The following ARHGAP40 variants were observed in gnomAD, a reference collection of about 807,000 sequenced individuals.
The protein encoded by ARHGAP40 is Rho GTPase activating protein 40, also known as rho GTPase-activating protein 40.
Under a neutral mutation model 73.5 loss-of-function variants are expected in ARHGAP40, and 43 were observed. The observed-to-expected ratio is 0.58, with a 90% CI of 0.46 to 0.75. ARHGAP40 has a LOEUF of 0.75. Among genes scored for constraint, ARHGAP40 ranks in the 30% least tolerant of loss-of-function variants. The pLI is 0.00. For missense variants in ARHGAP40, 734 were observed against 861.8 expected (o/e 0.85, Z 1.86); for synonymous variants, 300 against 352.8 (o/e 0.85, Z 1.68).
chr20:38,615,128 C>T, intron 1 of ARHGAP40: 1 of 971,682 alleles, frequency 1.0e-6, no homozygotes, highest in South Asian at 1.3e-5. Context: ...TGACCAGGGT[C>T]CGGATTTCGT....
rs113742624 is a variant in ARHGAP40, at chr20:38,617,675, G to A, written c.138-5684G>A. Among the ~76,000 whole-genome samples the A allele has an allele frequency of 3.5e-3, 525 of 151,682 alleles. 5 individuals are homozygous for A. The highest frequency in any genetic ancestry group is 0.012 in the African/African-American group (497 of 40,976). Reference sequence around the variant, plus strand: ...GCTCCGGCCCTCTGACTCACTGCAGGAATATATTTCTTCATGCTCTGTGCT... The same window carrying A: ...GCTCCGGCCCTCTGACTCACTGCAGAAATATATTTCTTCATGCTCTGTGCT... On this transcript the variant is annotated intron_variant, in intron 1 of 14. Coordinates refer to ENST00000373345, the Ensembl canonical transcript of ARHGAP40.
intron 11 of ARHGAP40, among the ~76,000 whole-genome samples, chr20:38,644,560 C>A (rs1332309875): frequency 6.6e-6 from 1 of 151,720 alleles, no homozygotes; most frequent in Non-Finnish European, 1.5e-5. Context: ...TCCACCCACT[C>A]ACCCACCTAC....
intron 11 of ARHGAP40, among the ~76,000 whole-genome samples, chr20:38,645,521 T>A (rs1277926264): frequency 6.6e-6 from 1 of 152,154 alleles, no homozygotes; most frequent in African/African-American, 2.4e-5. Context: ...AAAGGGGAAT[T>A]CAGAATCGAC....
chr20:38,644,080 G>C (rs1261559330), intron 11 of ARHGAP40, among the ~76,000 whole-genome samples, 170 bp downstream of exon 11: 2 of 152,134 alleles, frequency 1.3e-5, no homozygotes, highest in East Asian at 3.8e-4. Context: ...TAGTAACCAA[G>C]AAGAAGTGTC....
intron 1 of ARHGAP40, among the ~76,000 whole-genome samples, chr20:38,608,368 C>T (rs1023289898): frequency 6.6e-6 from 1 of 152,176 alleles, no homozygotes; most frequent in Admixed American, 6.6e-5. Context: ...TCAGCCCACT[C>T]CCCCTTTTGT....
chr20:38,639,189 CTGG>C (rs1274057381), intron 8 of ARHGAP40, 35 bp from the exon 9 acceptor site: 1 of 1,301,876 alleles, frequency 7.7e-7, no homozygotes. Flanking sequence ...TACCAGAGCC[CTGG>C]GCCAACTGTG....
At chr20:38,638,995 C>T (rs1355757595) in intron 8 of ARHGAP40, among the ~76,000 whole-genome samples, 157 bp downstream of exon 8, 1 of 152,152 alleles carries the variant, frequency 6.6e-6, no homozygotes, top group African/African-American at 2.4e-5. Flanking sequence ...GCATGATGAG[C>T]ATGGTGGCAG....
intron 3 of ARHGAP40, among the ~76,000 whole-genome samples, chr20:38,627,608 TGTGTGTGTTG>T (rs2088909467): frequency 8.4e-6 from 1 of 119,422 alleles, no homozygotes; most frequent in Admixed American, 8.1e-5. Context: ...TGCGTTGGTG[TGTGTGTGTTG>T]GTGTGTGTGT....
intron 1 of ARHGAP40, among the ~76,000 whole-genome samples, chr20:38,613,053 C>T (rs1172429000): frequency 6.6e-6 from 1 of 152,212 alleles, no homozygotes; most frequent in Admixed American, 6.5e-5. Context: ...CCAGGATTAT[C>T]ATCTCTACTG....
intron 5 of ARHGAP40, among the ~76,000 whole-genome samples, chr20:38,630,144 T>TC (rs2088929424): frequency 7.4e-6 from 1 of 135,640 alleles, no homozygotes; most frequent in South Asian, 2.6e-4. Context: ...TTCTCCTCCC[T>TC]CCTTCCCTCC....
At position 38,646,862 on chromosome 20, in the gene ARHGAP40, CG is replaced by C. The variant is rs2089056794; in HGVS notation, c.1711-94del. On this transcript the variant is annotated intron_variant, in intron 12 of 14. Coordinates refer to ENST00000373345, the Ensembl canonical transcript of ARHGAP40. The surrounding 1 kb of genome is among the most constrained non-coding windows in gnomAD (Gnocchi z 4.5). ...TTGTGATTTTCAGCGTGGGCATTTG[CG>C]TAAGTGCCATGTATGCGTGTTTATG... 1 of 1,144,796 alleles carries C rather than the reference CG, an allele frequency of 8.7e-7. No individual in the cohort carries two copies. Among genetic ancestry groups the C allele is most frequent in the African/African-American group, 1.6e-5 (1 of 61,902 alleles). The allele number at this position is 1,144,796 out of a possible 1,614,324, so 70.9% of individuals were successfully genotyped here. A position where few individuals can be genotyped will look rare whatever the true frequency, so the allele number is the denominator to read the frequency against.
intron 10 of ARHGAP40, 95 bp downstream of exon 10, chr20:38,641,903 A>G (rs2089020803): frequency 9.3e-6 from 9 of 962,662 alleles, no homozygotes; most frequent in South Asian, 1.7e-5. Flanking sequence ...CATTCATTCA[A>G]CAACTCTGCC....
At chr20:38,641,148 G>A (rs576269631) in intron 9 of ARHGAP40, among the ~76,000 whole-genome samples, 3 of 152,022 alleles carry the variant, frequency 2.0e-5, no homozygotes, top group African/African-American at 4.8e-5. Flanking sequence ...CAGGCCTGGC[G>A]CCCAGGGTGC....
rs754901517 is a variant in ARHGAP40, at chr20:38,634,692, G to A, written c.856G>A (p.Val286Ile). 7 of 1,305,388 alleles carry A rather than the reference G, an allele frequency of 5.4e-6. No homozygotes were observed. The highest frequency in any genetic ancestry group is 2.1e-4 in the Middle Eastern group (1 of 4,698). 80.9% of individuals were successfully genotyped at this position (1,305,388 alleles called of 1,614,324 possible). The change falls in exon 6 of 15, where the codon GTA (valine) becomes ATA (isoleucine). Residue 286 changes from valine (V) to isoleucine (I), a missense_variant. Coordinates refer to ENST00000373345, the Ensembl canonical transcript of ARHGAP40. Reference sequence around the variant, plus strand: ...CTTGTCCCTGCAGGATATGAGGAAGGTACCTTCTCTGGCCCTCATAGAGCT... The same window carrying A: ...CTTGTCCCTGCAGGATATGAGGAAGATACCTTCTCTGGCCCTCATAGAGCT...
chr20:38,649,828 C>T (rs1000726657), exon 15 of ARHGAP40: 2 of 1,305,190 alleles, frequency 1.5e-6, no homozygotes, highest in African/African-American at 3.0e-5. Flanking sequence ...TGAGTGGGTC[C>T]TTAAACAGAA....
intron 10 of ARHGAP40, among the ~76,000 whole-genome samples, chr20:38,643,387 C>A (rs2089031164): frequency 6.6e-6 from 1 of 152,186 alleles, no homozygotes; most frequent in Admixed American, 6.5e-5. Context: ...TCCTGGGCCT[C>A]ACCAGGAAAT....
intron 2 of ARHGAP40, among the ~76,000 whole-genome samples, chr20:38,625,027 T>C (rs983705193): frequency 2.0e-5 from 3 of 152,230 alleles, no homozygotes; most frequent in Admixed American, 6.5e-5. Flanking sequence ...ATGAAAGGGC[T>C]CCACATGGAA....
At chr20:38,626,831 T>A (rs2088900930) in intron 2 of ARHGAP40, among the ~76,000 whole-genome samples, 164 bp from the exon 3 acceptor site, 1 of 151,886 alleles carries the variant, frequency 6.6e-6, no homozygotes, top group South Asian at 2.1e-4. Flanking sequence ...GCTCATTAGA[T>A]CTTCTCCCCC....
intron 11 of ARHGAP40, among the ~76,000 whole-genome samples, chr20:38,645,203 C>T (rs1291135829): frequency 2.0e-5 from 3 of 151,710 alleles, no homozygotes; most frequent in South Asian, 2.1e-4. Context: ...TTCTTCAAGA[C>T]CTCCTAGTTC....
Sources: allele counts gnomAD v4.1 joint callset (sites outside exome capture counted in the v4.1 genomes callset), GRCh38; gene constraint gnomAD v4.1.1; non-coding constraint Gnocchi (gnomAD v3.1); transcripts MANE v1.5; gene names NCBI Gene and HGNC (gene_info 2026-07-23, HGNC 2026-07-21).